The following BEGAIN variants were observed in gnomAD, a reference collection of about 807,000 sequenced individuals.
BEGAIN encodes brain-enriched guanylate kinase-associated protein.
Under a neutral mutation model 35.8 loss-of-function variants are expected in BEGAIN, and 19 were observed. That is an observed-to-expected ratio of 0.53 (90% CI 0.37 to 0.78). The LOEUF (loss-of-function observed/expected upper bound fraction) is 0.78. BEGAIN is among the 30% of genes least tolerant of loss of function. The pLI is 0.00. For missense variants in BEGAIN, 795 were observed against 853.6 expected, an observed-to-expected ratio of 0.93 and a Z score of 0.85; for synonymous variants, 462 against 388.6, an observed-to-expected ratio of 1.19 and a Z score of -2.22.
chr14:100,559,529 T>C (rs2034052564), intron 2 of BEGAIN, among the ~76,000 whole-genome samples: 1 of 152,236 alleles, frequency 6.6e-6, no homozygotes, highest in Non-Finnish European at 1.5e-5. Context: ...AGCACTTCGA[T>C]TGCTGGCTTC....
In BEGAIN at chr14:100,538,672, A is replaced by G. The variant is rs1595102053; in HGVS notation, c.1136T>C (p.Leu379Pro). 1.3e-6 allele frequency: 2 copies of G among 1,551,226 alleles called. No homozygotes were observed. The highest frequency in any genetic ancestry group is 1.7e-6 in the Non-Finnish European group (2 of 1,147,278). Residue 379 changes from leucine to proline, a missense_variant, in exon 7 of 7, where the codon CTG becomes CCG. By Grantham distance (98) the Leu-to-Pro change is moderately conservative (BLOSUM62 -3). This residue lies in a region of BEGAIN where 664 missense variants were observed against 647.7 expected (regional missense o/e 1.03). Coordinates refer to ENST00000554140, the MANE Select transcript of BEGAIN (RefSeq NM_001385089.1). ...AKATAAVAAP[L>P]EAEVAPGFGR... Reference sequence around the variant, plus strand: ...GAAGCCTGGGGCCACTTCGGCCTCCAGCGGGGCCGCCACCGCGGCCGTGGC... The same window carrying G: ...GAAGCCTGGGGCCACTTCGGCCTCCGGCGGGGCCGCCACCGCGGCCGTGGC...
intron 2 of BEGAIN, among the ~76,000 whole-genome samples, chr14:100,550,763 C>T (rs544717629): frequency 1.3e-5 from 2 of 152,336 alleles, no homozygotes; most frequent in South Asian, 4.1e-4. Context: ...GGTCCCAGCT[C>T]AGCGGTGGCA....
intron 1 of BEGAIN, among the ~76,000 whole-genome samples, chr14:100,582,119 A>G (rs1364638830): frequency 6.6e-6 from 1 of 152,126 alleles, no homozygotes; most frequent in African/African-American, 2.4e-5. Flanking sequence ...GTCCCAGCAC[A>G]GAAGTTTATT....
chr14:100,546,140 A>C, intron 3 of BEGAIN: 1 of 174,530 alleles, frequency 5.7e-6, no homozygotes, highest in Non-Finnish European at 1.3e-5. Context: ...GACCCAGGGA[A>C]CCATGGCTGG....
intron 2 of BEGAIN, among the ~76,000 whole-genome samples, chr14:100,561,493 AATCCC>A (rs1238406276): frequency 6.6e-6 from 1 of 152,162 alleles, no homozygotes; most frequent in African/African-American, 2.4e-5. Context: ...TCATGTCTGT[AATCCC>A]AGCACTTTGG....
chr14:100,581,188 C>G (rs2035308347), intron 1 of BEGAIN, among the ~76,000 whole-genome samples: 1 of 152,144 alleles, frequency 6.6e-6, no homozygotes, highest in Non-Finnish European at 1.5e-5. Context: ...GTGGCATGAG[C>G]AAGGGACTTC....
intron 5 of BEGAIN, among the ~76,000 whole-genome samples, chr14:100,542,445 C>T (rs533270931): frequency 2.6e-5 from 4 of 152,344 alleles, no homozygotes; most frequent in South Asian, 2.1e-4. Context: ...GGGCAGTCTC[C>T]GCCGGCATGC....
intron 1 of BEGAIN, among the ~76,000 whole-genome samples, chr14:100,570,621 A>T (rs908086645): frequency 3.3e-5 from 5 of 152,186 alleles, no homozygotes; most frequent in African/African-American, 1.2e-4. Flanking sequence ...GGGGACTAAA[A>T]GATGGGTTGT....
intron 1 of BEGAIN, among the ~76,000 whole-genome samples, chr14:100,577,013 A>C (rs2035217198): frequency 6.6e-6 from 1 of 152,198 alleles, no homozygotes; most frequent in African/African-American, 2.4e-5. Context: ...AGGTTCAAAA[A>C]TGTAAAAGGA....
intron 2 of BEGAIN, among the ~76,000 whole-genome samples, chr14:100,556,851 C>T (rs940258608): frequency 6.6e-5 from 10 of 152,280 alleles, no homozygotes; most frequent in African/African-American, 2.4e-4. Flanking sequence ...GTGGGTGGGG[C>T]AGAGCCGCCC....
At position 100,558,317 on chromosome 14, in the gene BEGAIN, C is replaced by T. The variant is rs932961591; in HGVS notation, c.71+9594G>A. The stretch of plus-strand genomic sequence containing the variant: ...CCTGTCTCAGCCTTCACCTGACCTG[C>T]GCCCTCAGCAGCCAGGCACATGCTG... On this transcript the variant is annotated intron_variant, in intron 2 of 6. Transcript: ENST00000554140. This position sits in a 1 kb window ranked among gnomAD's most constrained non-coding sequence, Gnocchi z 4.6. 1.3e-5 allele frequency among the ~76,000 whole-genome samples: 2 copies of T among 152,158 alleles called. No homozygotes were observed. The highest frequency in any genetic ancestry group is 2.4e-5 in the African/African-American group (1 of 41,436).
At chr14:100,549,836 G>A (rs1207125671) in intron 2 of BEGAIN, 1 of 152,352 alleles carries the variant, frequency 6.6e-6, no homozygotes, top group African/African-American at 2.4e-5. Flanking sequence ...GGGTGAAAAG[G>A]TGTCCTGGCA....
intron 1 of BEGAIN, among the ~76,000 whole-genome samples, chr14:100,570,004 C>A (rs367878185): frequency 2.0e-5 from 3 of 152,156 alleles, no homozygotes; most frequent in East Asian, 3.9e-4. Flanking sequence ...TATGCGGGAG[C>A]AAAGCTCCAA....
intron 3 of BEGAIN, 109 bp downstream of exon 3, chr14:100,546,392 C>A (rs2032418984): frequency 1.6e-5 from 1 of 64,274 alleles, no homozygotes; most frequent in African/African-American, 8.9e-5. Flanking sequence ...CTCGCCCCGC[C>A]CCGGCCCTCG....
intron 3 of BEGAIN, chr14:100,545,325 G>A: frequency 7.5e-7 from 1 of 1,334,380 alleles, no homozygotes; most frequent in Non-Finnish European, 9.6e-7. Flanking sequence ...CTGAAGATGG[G>A]AAGGGAAGGC....
intron 1 of BEGAIN, among the ~76,000 whole-genome samples, chr14:100,582,319 A>C (rs1566983585): frequency 6.6e-6 from 1 of 151,904 alleles, no homozygotes; most frequent in Non-Finnish European, 1.5e-5. Context: ...TAATTTTTGT[A>C]TTTTTAGTAG....
rs1157707827 is a variant in BEGAIN, at chr14:100,586,947, C to T, written c.42+302G>A. Among the ~76,000 whole-genome samples, 1 of 152,048 alleles carries T rather than the reference C, an allele frequency of 6.6e-6. No individual in the cohort carries two copies. Among genetic ancestry groups the T allele is most frequent in the Non-Finnish European group, 1.5e-5 (1 of 67,970 alleles). On this transcript the variant is annotated intron_variant, in intron 1 of 6. Coordinates refer to ENST00000554140, the MANE Select transcript of BEGAIN (RefSeq NM_001385089.1). This position sits in a 1 kb window ranked among gnomAD's most constrained non-coding sequence, Gnocchi z 4.9. ...CCCTTGGTCACCCGTCCCTCCTTTC[C>T]TTCCGCCGCAGGGGCGCGCGTGTCA...
chr14:100,562,401 G>A (rs762244293), intron 2 of BEGAIN, among the ~76,000 whole-genome samples: 23 of 152,062 alleles, frequency 1.5e-4, no homozygotes, highest in South Asian at 4.1e-4. Flanking sequence ...GGTGTGCAGC[G>A]GGGCTTTGCT....
chr14:100,553,200 G>A (rs578099482), intron 2 of BEGAIN, among the ~76,000 whole-genome samples: 14 of 152,218 alleles, frequency 9.2e-5, no homozygotes, highest in Admixed American at 2.6e-4. Context: ...GGATGCTCAG[G>A]ATGCACCAGG....
Sources: allele counts gnomAD v4.1 joint callset (sites outside exome capture counted in the v4.1 genomes callset), GRCh38; gene constraint gnomAD v4.1.1; regional missense constraint gnomAD v4.1.1; non-coding constraint Gnocchi (gnomAD v3.1); transcripts MANE v1.5; gene names NCBI Gene and HGNC (gene_info 2026-07-23, HGNC 2026-07-21).